BARD1: variants seen among roughly 807,000 people sequenced by gnomAD.
BARD1 encodes BRCA1-associated RING domain protein 1.
BARD1 carries 73 observed loss-of-function variants against 77.0 expected under a neutral mutation model. The observed-to-expected ratio is 0.95, with a 90% CI of 0.79 to 1.15. The LOEUF (loss-of-function observed/expected upper bound fraction) is 1.15. Ranked by LOEUF, BARD1 falls within the 50% of genes most tolerant of loss-of-function variation. BARD1 has a pLI of 0.00. For missense variants in BARD1, 993 were observed against 938.8 expected (o/e 1.06, Z -0.75); for synonymous variants, 384 against 338.0 (o/e 1.14, Z -1.49).
chr2:214,732,190 A>G (rs1217935153), intron 9 of BARD1, among the ~76,000 whole-genome samples: 1 of 152,236 alleles, frequency 6.6e-6, no homozygotes, highest in East Asian at 1.9e-4. Context: ...TTACTTCAAC[A>G]GTAAATTGAT....
chr2:214,775,417 T>G (rs1694694440), intron 4 of BARD1, among the ~76,000 whole-genome samples: 1 of 152,180 alleles, frequency 6.6e-6, no homozygotes, highest in African/African-American at 2.4e-5. Context: ...AAAAGACATT[T>G]ATCAATTAAG....
At chr2:214,767,835 A>G (rs1019987979) in intron 5 of BARD1, among the ~76,000 whole-genome samples, 181 bp from the exon 6 acceptor site, 1 of 152,224 alleles carries the variant, frequency 6.6e-6, no homozygotes, top group Non-Finnish European at 1.5e-5. Flanking sequence ...TAATCTTTCA[A>G]TCAAGATCTG....
Position 214,738,273 on chromosome 2 carries a change from T to C in BARD1, c.1903+6794A>G, listed in dbSNP as rs1253565875. 4.6e-5 allele frequency among the ~76,000 whole-genome samples: 7 copies of C among 152,298 alleles called. No homozygotes were observed. The East Asian group carries it at 1.4e-3, about 29-fold the overall frequency. ...GGTGTATTCCTGATCATGTTCTCCATTTCATGTAAGCTTTCCTTTTTTCCT... is the reference window on the plus strand; with the variant it reads ...GGTGTATTCCTGATCATGTTCTCCACTTCATGTAAGCTTTCCTTTTTTCCT... On this transcript the variant is annotated intron_variant, in intron 9 of 10. Coordinates refer to ENST00000260947, the MANE Select transcript of BARD1 (RefSeq NM_000465.4).
intron 9 of BARD1, among the ~76,000 whole-genome samples, chr2:214,736,834 G>A (rs1462215989): frequency 6.6e-6 from 1 of 152,104 alleles, no homozygotes; most frequent in Non-Finnish European, 1.5e-5. Context: ...TTTCTGTAAA[G>A]TAAAGCAAAT....
Position 214,780,721 on chromosome 2 carries a change from C to A in BARD1, c.1153G>T (p.Asp385Tyr), listed in dbSNP as rs587782436. The A allele has an allele frequency of 4.3e-6, 7 of 1,613,904 alleles. No individual in the cohort carries two copies. Among genetic ancestry groups the A allele is most frequent in the East Asian group, 2.2e-5 (1 of 44,880 alleles). The change falls in exon 4 of 11, where the codon GAT becomes TAT. Residue 385 changes from aspartate to tyrosine, a missense_variant. Asp to Tyr is a radical substitution (Grantham distance 160). Coordinates refer to ENST00000260947, the MANE Select transcript of BARD1 (RefSeq NM_000465.4). ...CCTGGTGAAAGACTAATGAATTCAT[C>A]GGACATGTTACTGTTTTTCCTCCCT... Reference protein sequence around the residue: ...TSGRKNSNMSDEFISLSPGTP... With the variant: ...TSGRKNSNMSYEFISLSPGTP...
chr2:214,781,175 C>T lies in BARD1; in HGVS notation c.699G>A (p.Glu233=), dbSNP rs1002531703. ...AGGATACCAGCTTTTGCTTAGATTC[C>T]TCTTTGGAGTCAAATTCACCATCTT... ...EKEDGEFDSK[E]ESKQKLVSFC... The change falls in exon 4 of 11, where the codon GAG becomes GAA. Residue 233 remains glutamate, a synonymous_variant. Transcript: ENST00000260947. 1 of 1,584,406 alleles carries T rather than the reference C, an allele frequency of 6.3e-7. No individual in the cohort carries two copies. Among genetic ancestry groups the T allele is most frequent in the South Asian group, 1.2e-5 (1 of 84,192 alleles).
At chr2:214,747,672 C>G (rs1411932947) in intron 7 of BARD1, among the ~76,000 whole-genome samples, 2 of 126,638 alleles carry the variant, frequency 1.6e-5, no homozygotes, top group Non-Finnish European at 3.1e-5. Flanking sequence ...CACATGGACA[C>G]AGGAAGGGGA....
intron 2 of BARD1, among the ~76,000 whole-genome samples, chr2:214,792,781 A>G (rs114268888): frequency 0.018 from 2,808 of 152,254 alleles, 79 homozygotes; most frequent in African/African-American, 0.061. Flanking sequence ...AACTTTTTCT[A>G]TCTTAACATT....
chr2:214,761,663 C>A (rs954859250), intron 6 of BARD1, among the ~76,000 whole-genome samples: 1 of 151,944 alleles, frequency 6.6e-6, no homozygotes, highest in Admixed American at 6.6e-5. Flanking sequence ...AGTATAAGAT[C>A]ATCTCTGCAG....
chr2:214,792,016 T>C (rs1381492564), intron 3 of BARD1, among the ~76,000 whole-genome samples: 1 of 152,016 alleles, frequency 6.6e-6, no homozygotes, highest in African/African-American at 2.4e-5. Flanking sequence ...GTTCCCGTCA[T>C]TTCTCAAAAT....
At chr2:214,764,687 T>A (rs1694114420) in intron 6 of BARD1, among the ~76,000 whole-genome samples, 1 of 152,132 alleles carries the variant, frequency 6.6e-6, no homozygotes, top group Non-Finnish European at 1.5e-5. Flanking sequence ...ACGGAAGGAT[T>A]TTAAGCAAAT....
At chr2:214,747,913 T>C (rs1461231288) in intron 7 of BARD1, among the ~76,000 whole-genome samples, 2 of 151,480 alleles carry the variant, frequency 1.3e-5, no homozygotes, top group Non-Finnish European at 2.9e-5. Context: ...AAGGAAAATA[T>C]TCAGTGTACT....
At chr2:214,791,611 C>A (rs1331330383) in intron 3 of BARD1, among the ~76,000 whole-genome samples, 2 of 152,080 alleles carry the variant, frequency 1.3e-5, no homozygotes, top group Non-Finnish European at 2.9e-5. Context: ...AGTCTAAGGA[C>A]AATTTAAAAA....
At position 214,727,947 on chromosome 2, in the gene BARD1, CAT is replaced by C. The variant is rs1692150129; in HGVS notation, c.*727_*728del. Reference sequence around the variant, plus strand: ...AGAAAATGCTCTAAGTATATATACACATGTAGTAGATAAACAGAGTTACAAAT... The same window carrying C: ...AGAAAATGCTCTAAGTATATATACACGTAGTAGATAAACAGAGTTACAAAT... On this transcript the variant is annotated 3_prime_UTR_variant, in exon 11 of 11. Coordinates refer to ENST00000260947, the MANE Select transcript of BARD1 (RefSeq NM_000465.4). 1 of 215,172 alleles carries C rather than the reference CAT, an allele frequency of 4.6e-6. No homozygotes were observed. The highest frequency in any genetic ancestry group is 9.4e-6 in the Non-Finnish European group (1 of 106,842). The allele number at this position is 215,172 out of a possible 1,614,324, so 13.3% of individuals were successfully genotyped here.
At chr2:214,795,026 A>G (rs1416848044) in intron 2 of BARD1, among the ~76,000 whole-genome samples, 1 of 152,068 alleles carries the variant, frequency 6.6e-6, no homozygotes, top group Non-Finnish European at 1.5e-5. Context: ...ACACAAACCA[A>G]CTTTGCATAA....
Position 214,767,670 on chromosome 2 carries a change from G to A in BARD1, c.1396-16C>T, listed in dbSNP as rs1265058185. ...AAGCTTCATGCTAATTAAATTTTTT[G>A]AAAAAGAAGTGAAAGAAGTGATAAG... On this transcript the variant is annotated splice_polypyrimidine_tract_variant and intron_variant, in intron 5 of 10. Transcript: ENST00000260947. 2 of 1,611,720 alleles carry A rather than the reference G, an allele frequency of 1.2e-6. No homozygotes were observed. The highest frequency in any genetic ancestry group is 1.7e-6 in the Non-Finnish European group (2 of 1,178,870).
At chr2:214,787,930 A>T (rs1485103447) in intron 3 of BARD1, among the ~76,000 whole-genome samples, 2 of 152,032 alleles carry the variant, frequency 1.3e-5, no homozygotes, top group Admixed American at 1.3e-4. Context: ...TTAAAAATCA[A>T]AGGAAAGTCC....
At chr2:214,745,988 G>C in intron 7 of BARD1, 134 bp from the exon 8 acceptor site, 1 of 1,074,174 alleles carries the variant, frequency 9.3e-7, no homozygotes, top group Non-Finnish European at 1.4e-6. Flanking sequence ...TATTTCCATT[G>C]AATCTACACC....
chr2:214,732,772 A>T (rs1692412464), intron 9 of BARD1, among the ~76,000 whole-genome samples: 1 of 152,200 alleles, frequency 6.6e-6, no homozygotes, highest in Non-Finnish European at 1.5e-5. Flanking sequence ...AAGAGTGAGT[A>T]ATGGTCCACT....
Sources: allele counts gnomAD v4.1 joint callset (sites outside exome capture counted in the v4.1 genomes callset), GRCh38; gene constraint gnomAD v4.1.1; transcripts MANE v1.5; gene names NCBI Gene and HGNC (gene_info 2026-07-23, HGNC 2026-07-21).